The following CYP2C8 variants were observed in gnomAD, a reference collection of about 807,000 sequenced individuals.
CYP2C8 encodes the protein cytochrome P450 2C8.
In CYP2C8, 51 loss-of-function variants were observed where a neutral mutation model predicts 41.3. That is an observed-to-expected ratio of 1.24 (90% CI 0.99 to 1.56). The LOEUF is 1.56. Among genes scored for constraint, CYP2C8 ranks in the 40% most tolerant of loss-of-function variants. The pLI is 0.00. For missense variants in CYP2C8, 651 were observed against 579.9 expected (o/e 1.12, Z -1.26); for synonymous variants, 218 against 205.8 (o/e 1.06, Z -0.51).
intron 5 of CYP2C8, 143 bp from the exon 6 acceptor site, chr10:95,046,094 A>G: frequency 1.1e-6 from 1 of 882,368 alleles, no homozygotes; most frequent in South Asian, 1.7e-5. Context: ...ACTGTGTGGT[A>G]TGGCAGAAAC....
At position 95,069,357 on chromosome 10, in the gene CYP2C8, G is replaced by A. The variant is rs1188823438; in HGVS notation, c.46C>T (p.Leu16Phe). The A allele has an allele frequency of 1.2e-6, 2 of 1,613,998 alleles. No individual in the cohort carries two copies. The highest frequency in any genetic ancestry group is 1.7e-6 in the Non-Finnish European group (2 of 1,180,032). ...CAGCTCTGTCTCCAGAGTGAAAAGA[G>A]AAGCATAAAAGAGAGACACAGCACC... is the stretch of plus-strand genomic sequence containing the variant. ...VLVLCLSFML[L>F]FSLWRQSCRR... The change falls in exon 1 of 9, where the codon CTC (leucine) becomes TTC (phenylalanine). Residue 16 changes from leucine to phenylalanine, a missense_variant. By Grantham distance (22) the Leu-to-Phe change is conservative. Transcript: ENST00000371270.
intron 5 of CYP2C8, among the ~76,000 whole-genome samples, chr10:95,057,378 T>C (rs186657830): frequency 6.6e-6 from 1 of 152,302 alleles, no homozygotes; most frequent in Admixed American, 6.5e-5. Context: ...ATTTAAAATG[T>C]CATAATTTTC....
In CYP2C8 at chr10:95,054,328, A is replaced by G. The variant is rs148412546; in HGVS notation, c.819+4007T>C. On this transcript the variant is annotated intron_variant, in intron 5 of 8. Transcript: ENST00000371270. ...ATCTAACAAGATAGACCATCTGAAT[A>G]GAAGCTGAGAAAGCATAAGACAAAA... Among the ~76,000 whole-genome samples the G allele has an allele frequency of 2.9e-3, 438 of 152,276 alleles. 3 individuals carry two copies. Among genetic ancestry groups the G allele is most frequent in the African/African-American group, 9.9e-3 (412 of 41,574 alleles).
At position 95,042,897 on chromosome 10, in the gene CYP2C8, AT is replaced by A. The variant is rs760330613; in HGVS notation, c.1141del (p.Ile381SerfsTer7). On this transcript the variant is annotated frameshift_variant, in exon 7 of 9. Transcript: ENST00000371270. LOFTEE classifies it high-confidence loss of function. The part of the protein sequence containing the change: ...TTDTKFRNYL[I>X]PKGTTIMALL... ...TAAGAGAAACAAGCTTACCTTGGGGATGAGGTAGTTTCTGAACTTAGTATCA... is the reference window on the plus strand; with the variant it reads ...TAAGAGAAACAAGCTTACCTTGGGGAGAGGTAGTTTCTGAACTTAGTATCA... The A allele has an allele frequency of 1.9e-6, 3 of 1,613,154 alleles. No individual in the cohort carries two copies. Among genetic ancestry groups the A allele is most frequent in the Non-Finnish European group, 2.5e-6 (3 of 1,179,106 alleles).
chr10:95,038,940 A>G lies in CYP2C8; in HGVS notation c.1248T>C (p.Asn416=), dbSNP rs775005230. The G allele has an allele frequency of 1.9e-6, 3 of 1,614,014 alleles. No homozygotes were observed. In the South Asian group the frequency reaches 3.3e-5, roughly 18 times the overall value. ...IFDPGHFLDK[N]GNFKKSDYFM... Reference sequence around the variant, plus strand: ...AGTAGTCACTTTTCTTAAAGTTGCCATTCTTATCTAGAAAGTGGCCAGGGT... The same window carrying G: ...AGTAGTCACTTTTCTTAAAGTTGCCGTTCTTATCTAGAAAGTGGCCAGGGT... The change falls in exon 8 of 9, where the codon AAT becomes AAC. Residue 416 remains asparagine (N), a synonymous_variant. Transcript: ENST00000371270.
rs745821391 is a variant in CYP2C8, at chr10:95,045,840, G to C, written c.931C>G (p.Leu311Val). The change falls in exon 6 of 9, where the codon CTG (leucine) becomes GTG (valine). Residue 311 changes from leucine to valine, a missense_variant. Physicochemically the swap from Leu to Val is conservative, Grantham distance 32. Transcript: ENST00000371270. ...TTSTTLRYGL[L>V]LLLKHPEVTA... Reference sequence around the variant, plus strand: ...ACCTCTGGGTGCTTCAGCAGGAGCAGGAGTCCATATCTCAGAGTGGTGCTT... The same window carrying C: ...ACCTCTGGGTGCTTCAGCAGGAGCACGAGTCCATATCTCAGAGTGGTGCTT... 1.2e-6 allele frequency: 2 copies of C among 1,614,016 alleles called. No individual in the cohort carries two copies. Among genetic ancestry groups the C allele is most frequent in the Admixed American group, 3.3e-5 (2 of 60,012 alleles).
intron 5 of CYP2C8, among the ~76,000 whole-genome samples, chr10:95,048,308 G>C (rs1255940308): frequency 6.6e-6 from 1 of 152,144 alleles, no homozygotes; most frequent in East Asian, 1.9e-4. Flanking sequence ...TCAGGCTGTG[G>C]AAAGGTTTGA....
chr10:95,061,511 A>T (rs140916572), intron 4 of CYP2C8, among the ~76,000 whole-genome samples: 1 of 151,858 alleles, frequency 6.6e-6, no homozygotes, highest in Non-Finnish European at 1.5e-5. Context: ...TTTTTATTGT[A>T]TCTATTTGAG....
Position 95,067,540 on chromosome 10 carries a change from G to T in CYP2C8, c.320C>A (p.Thr107Asn), listed in dbSNP as rs1303636903. 1 of 1,614,110 alleles carries T rather than the reference G, an allele frequency of 6.2e-7. No homozygotes were observed. Among genetic ancestry groups the T allele is most frequent in the Non-Finnish European group, 8.5e-7 (1 of 1,180,032 alleles). ...RGNSPISQRI[T>N]KGLGIISSNG... ...ATATGTGCACCTACCAAGTCCTTTA[G>T]TAATTCTTTGAGATATTGGGGAATT... is the stretch of plus-strand genomic sequence containing the variant. The change falls in exon 2 of 9, where the codon ACT becomes AAT. Residue 107 changes from threonine (T) to asparagine (N), a missense_variant. Coordinates refer to ENST00000371270, the MANE Select transcript of CYP2C8 (RefSeq NM_000770.3).
At chr10:95,064,076 A>C (rs1272619990) in intron 4 of CYP2C8, among the ~76,000 whole-genome samples, 1 of 152,172 alleles carries the variant, frequency 6.6e-6, no homozygotes. Context: ...TTCAGGGGTC[A>C]GGGACCCACT....
intron 1 of CYP2C8, 149 bp downstream of exon 1, chr10:95,069,086 A>C (rs1288707374): frequency 1.0e-6 from 1 of 956,808 alleles, no homozygotes; most frequent in Non-Finnish European, 1.6e-6. Context: ...ATAGGAAGAC[A>C]AAAGAAACAT....
At chr10:95,041,178 A>G (rs868812827) in intron 7 of CYP2C8, among the ~76,000 whole-genome samples, 37 of 152,226 alleles carry the variant, frequency 2.4e-4, no homozygotes, top group African/African-American at 8.0e-4. Flanking sequence ...TTATATAAAA[A>G]TGAGAGAAGA....
chr10:95,069,178 T>TAGC, intron 1 of CYP2C8, 57 bp downstream of exon 1: 1 of 1,592,200 alleles, frequency 6.3e-7, no homozygotes, highest in Non-Finnish European at 8.6e-7. Flanking sequence ...TGTCTAAAAA[T>TAGC]AGCAGTCAAA....
intron 5 of CYP2C8, among the ~76,000 whole-genome samples, chr10:95,051,760 C>T (rs754245123): frequency 2.0e-5 from 3 of 151,974 alleles, no homozygotes; most frequent in African/African-American, 4.8e-5. Flanking sequence ...TGAAAAATTT[C>T]TTGAAACAAA....
At chr10:95,039,206 T>C in intron 7 of CYP2C8, 168 bp from the exon 8 acceptor site, 2 of 649,248 alleles carry the variant, frequency 3.1e-6, no homozygotes, top group South Asian at 3.5e-5. Context: ...GGAAGCTTGC[T>C]AAAGAGCTTT....
chr10:95,037,062 G>C lies in CYP2C8; in HGVS notation c.*66C>G. On this transcript the variant is annotated 3_prime_UTR_variant, in exon 9 of 9. Coordinates refer to ENST00000371270, the MANE Select transcript of CYP2C8 (RefSeq NM_000770.3). The stretch of plus-strand genomic sequence containing the variant: ...GAGGTCAGAGAAGACATAATAGTGG[G>C]AATGTCCTTGATAAAAAAAGAGTTG... 1 of 1,404,890 alleles carries C rather than the reference G, an allele frequency of 7.1e-7. No homozygotes were observed. Among genetic ancestry groups the C allele is most frequent in the South Asian group, 1.2e-5 (1 of 85,774 alleles). The allele number at this position is 1,404,890 out of a possible 1,614,324, so 87.0% of individuals were successfully genotyped here. A position where few individuals can be genotyped will look rare whatever the true frequency, so the allele number is the denominator to read the frequency against.
intron 4 of CYP2C8, 102 bp from the exon 5 acceptor site, chr10:95,058,613 A>T: frequency 9.2e-7 from 1 of 1,085,598 alleles, no homozygotes; most frequent in Non-Finnish European, 1.3e-6. Context: ...ATAAGACATC[A>T]TGTCCATTTT....
intron 5 of CYP2C8, among the ~76,000 whole-genome samples, chr10:95,050,875 C>CAA (rs36110618): frequency 1.6e-4 from 25 of 151,576 alleles, no homozygotes; most frequent in African/African-American, 2.2e-4. Context: ...AGGATGTGTA[C>CAA]AAAAAAAACC....
intron 4 of CYP2C8, 64 bp from the exon 5 acceptor site, chr10:95,058,575 C>A: frequency 7.1e-7 from 1 of 1,399,090 alleles, no homozygotes; most frequent in Non-Finnish European, 9.8e-7. Flanking sequence ...ACACCAAGCC[C>A]TGATTGAAAT....
Sources: allele counts gnomAD v4.1 joint callset (sites outside exome capture counted in the v4.1 genomes callset), GRCh38; gene constraint gnomAD v4.1.1; transcripts MANE v1.5; gene names NCBI Gene and HGNC (gene_info 2026-07-23, HGNC 2026-07-21).